The following CD3G variants were observed in gnomAD, a reference collection of about 807,000 sequenced individuals.
CD3G encodes CD3 gamma subunit of T-cell receptor complex, also known as T-cell surface glycoprotein CD3 gamma chain.
In CD3G, 24 loss-of-function variants were observed where a neutral mutation model predicts 28.3. The observed-to-expected ratio is 0.85, with a 90% CI of 0.61 to 1.19. The LOEUF (loss-of-function observed/expected upper bound fraction) is 1.19, where lower values mean the gene tolerates loss of function less well. Ranked by LOEUF, CD3G falls within the 50% of genes most tolerant of loss-of-function variation. The probability of loss-of-function intolerance (pLI) is 0.00; values close to 1 mark genes in which losing one functional copy is unlikely to be tolerated. For missense variants in CD3G, 211 were observed against 210.0 expected (o/e 1.00, Z -0.03); for synonymous variants, 71 against 75.9 (o/e 0.93, Z 0.34).
At chr11:118,352,268 C>T (rs928753251) in intron 5 of CD3G, 136 bp from the exon 6 acceptor site, 3 of 790,580 alleles carry the variant, frequency 3.8e-6, no homozygotes, top group Non-Finnish European at 6.8e-6. Flanking sequence ...CCTCCATCTC[C>T]TTGTCCTCTT....
intron 3 of CD3G, chr11:118,350,236 T>A (rs1263390815): frequency 7.0e-6 from 4 of 570,056 alleles, no homozygotes; most frequent in African/African-American, 1.9e-5. Flanking sequence ...AATGAAGGGG[T>A]TGGGGAGACA....
intron 3 of CD3G, 106 bp downstream of exon 3, chr11:118,350,076 AT>A (rs1183373667): frequency 8.5e-6 from 7 of 822,562 alleles, no homozygotes; most frequent in Non-Finnish European, 1.2e-5. Context: ...CAACAGTAAT[AT>A]TATCGCCTGT....
intron 1 of CD3G, among the ~76,000 whole-genome samples, chr11:118,346,156 G>T (rs12798382): frequency 0.013 from 1,942 of 152,266 alleles, 16 homozygotes; most frequent in Middle Eastern, 0.017. Context: ...TGGCAGGGAC[G>T]GGCATGGTGG....
chr11:118,344,350 G>A lies in CD3G; in HGVS notation c.-74G>A, dbSNP rs1948334639. ...AACAGTGATGGGTGGAGCCAGTCTAGCTGCTGCACAGGCTGGCTGGCTGGC... is the reference window on the plus strand; with the variant it reads ...AACAGTGATGGGTGGAGCCAGTCTAACTGCTGCACAGGCTGGCTGGCTGGC... On this transcript the variant is annotated 5_prime_UTR_variant, in exon 1 of 7. Transcript: ENST00000532917. 3.8e-6 allele frequency: 5 copies of A among 1,328,684 alleles called. No individual in the cohort carries two copies. The Admixed American group carries it at 1.0e-4, about 26-fold the overall frequency. 82.3% of individuals were successfully genotyped at this position (1,328,684 alleles called of 1,614,324 possible).
Position 118,350,666 on chromosome 11 carries a change from G to T in CD3G, c.422G>T (p.Gly141Val). ...VGVYFIAGQD[G>V]VRQSRASDKQ... ...GTCTACTTCATTGCTGGACAGGATG[G>T]AGTTCGCCAGTCGAGAGGTAAAAGA... is the stretch of plus-strand genomic sequence containing the variant. Residue 141 changes from glycine to valine, a missense_variant, in exon 4 of 7, where the codon GGA becomes GTA. Coordinates refer to ENST00000532917, the MANE Select transcript of CD3G (RefSeq NM_000073.3). The T allele has an allele frequency of 1.2e-6, 2 of 1,613,864 alleles. No individual in the cohort carries two copies. The highest frequency in any genetic ancestry group is 1.7e-6 in the Non-Finnish European group (2 of 1,179,938).
At position 118,354,252 on chromosome 11, in the gene CD3G, C is replaced by T. The variant is rs1278733303; in HGVS notation, c.*1152C>T. 1.3e-5 allele frequency: 2 copies of T among 151,840 alleles called. No individual in the cohort carries two copies. Among genetic ancestry groups the T allele is most frequent in the Non-Finnish European group, 2.9e-5 (2 of 68,008 alleles). 9.4% of individuals were successfully genotyped at this position (151,840 alleles called of 1,614,324 possible). ...ATTTAACTAATTGTACAGCCATTACCATAATCCAGCTTTAGGACATTTTCT... is the reference window on the plus strand; with the variant it reads ...ATTTAACTAATTGTACAGCCATTACTATAATCCAGCTTTAGGACATTTTCT... On this transcript the variant is annotated 3_prime_UTR_variant, in exon 7 of 7. Transcript: ENST00000532917.
intron 3 of CD3G, 75 bp downstream of exon 3, chr11:118,350,045 G>C: frequency 8.7e-7 from 1 of 1,145,480 alleles, no homozygotes. Flanking sequence ...TTTATCTGGG[G>C]TGAAAGTGGA....
At chr11:118,351,775 G>T (rs1163276438) in intron 5 of CD3G, 104 bp downstream of exon 5, 3 of 993,120 alleles carry the variant, frequency 3.0e-6, no homozygotes, top group African/African-American at 3.2e-5. Context: ...GTAAGAAACT[G>T]CTAACAGCAT....
intron 3 of CD3G, chr11:118,350,293 G>A: frequency 1.7e-6 from 1 of 577,306 alleles, no homozygotes; most frequent in South Asian, 2.0e-5. Flanking sequence ...GCGCAGTGGA[G>A]CATGAAGAGT....
chr11:118,344,396 A>G lies in CD3G; in HGVS notation c.-28A>G. On this transcript the variant is annotated 5_prime_UTR_variant, in exon 1 of 7. Coordinates refer to ENST00000532917, the MANE Select transcript of CD3G (RefSeq NM_000073.3). Reference sequence around the variant, plus strand: ...CTGGCTGGCTGCTAAGGGCTGCTCCACGCTTTTGCCGGAGGACAGAGACTG... The same window carrying G: ...CTGGCTGGCTGCTAAGGGCTGCTCCGCGCTTTTGCCGGAGGACAGAGACTG... 3.2e-6 allele frequency: 5 copies of G among 1,556,426 alleles called. No individual in the cohort carries two copies. Among genetic ancestry groups the G allele is most frequent in the Non-Finnish European group, 4.4e-6 (5 of 1,149,070 alleles).
At chr11:118,352,260 T>C in intron 5 of CD3G, 144 bp from the exon 6 acceptor site, 1 of 759,878 alleles carries the variant, frequency 1.3e-6, no homozygotes, top group Non-Finnish European at 2.4e-6. Flanking sequence ...AGACAGAGCC[T>C]CCATCTCCTT....
At chr11:118,350,453 C>T (rs1016830085) in intron 3 of CD3G, 99 bp from the exon 4 acceptor site, 3 of 875,420 alleles carry the variant, frequency 3.4e-6, no homozygotes, top group African/African-American at 1.6e-5. Context: ...GAAAAGCCTG[C>T]TGCCCTCCAC....
In CD3G at chr11:118,349,540, G is replaced by A. The variant is rs150216682; in HGVS notation, c.80-203G>A. ...TTCACCCCCTGACGCAGATATTGGC[G>A]TCACCCGAGAGCATGTTAGTAATGC... is the stretch of plus-strand genomic sequence containing the variant. On this transcript the variant is annotated intron_variant, in intron 2 of 6. Coordinates refer to ENST00000532917, the MANE Select transcript of CD3G (RefSeq NM_000073.3). 1.4e-3 allele frequency: 859 copies of A among 629,964 alleles called. 5 individuals carry two copies. Among genetic ancestry groups the A allele is most frequent in the African/African-American group, 0.012 (643 of 54,386 alleles). 39.0% of individuals were successfully genotyped at this position (629,964 alleles called of 1,614,324 possible).
chr11:118,350,450 C>T, intron 3 of CD3G, 102 bp from the exon 4 acceptor site: 1 of 866,982 alleles, frequency 1.2e-6, no homozygotes, highest in Non-Finnish European at 2.0e-6. Flanking sequence ...GAGGAAAAGC[C>T]TGCTGCCCTC....
chr11:118,350,868 T>C (rs2134071074), intron 4 of CD3G, 185 bp downstream of exon 4: 1 of 1,131,950 alleles, frequency 8.8e-7, no homozygotes, highest in South Asian at 1.9e-5. Context: ...TTCACCTGTC[T>C]CAAGATACAG....
At chr11:118,347,057 A>G (rs1948363666) in intron 1 of CD3G, among the ~76,000 whole-genome samples, 1 of 152,170 alleles carries the variant, frequency 6.6e-6, no homozygotes, top group South Asian at 2.1e-4. Flanking sequence ...TGCACTGGAT[A>G]CTGTTCAAAA....
intron 6 of CD3G, 40 bp from the exon 7 acceptor site, chr11:118,353,078 AT>A (rs906340123): frequency 6.4e-6 from 1 of 156,334 alleles, no homozygotes; most frequent in Non-Finnish European, 1.4e-5. Flanking sequence ...TGAAAGCATT[AT>A]TTGTTTTTTT....
In CD3G at chr11:118,349,813, C is replaced by A. The variant is rs1431581983; in HGVS notation, c.150C>A (p.Ala50=). Residue 50 remains alanine, a synonymous_variant, in exon 3 of 7, where the codon GCC becomes GCA. Coordinates refer to ENST00000532917, the MANE Select transcript of CD3G (RefSeq NM_000073.3). ...GSVLLTCDAE[A]KNITWFKDGK... ...TACTTCTGACTTGTGATGCAGAAGC[C>A]AAAAATATCACATGGTTTAAAGATG... is the stretch of plus-strand genomic sequence containing the variant. The A allele has an allele frequency of 1.9e-6, 3 of 1,613,838 alleles. No individual in the cohort carries two copies. Among genetic ancestry groups the A allele is most frequent in the Non-Finnish European group, 1.7e-6 (2 of 1,179,936 alleles).
chr11:118,346,408 G>T (rs1948356521), intron 1 of CD3G, among the ~76,000 whole-genome samples: 1 of 151,968 alleles, frequency 6.6e-6, no homozygotes, highest in Non-Finnish European at 1.5e-5. Context: ...CTGCACTCCA[G>T]CCTGGGCGAC....
Sources: allele counts gnomAD v4.1 joint callset (sites outside exome capture counted in the v4.1 genomes callset), GRCh38; gene constraint gnomAD v4.1.1; transcripts MANE v1.5; gene names NCBI Gene and HGNC (gene_info 2026-07-23, HGNC 2026-07-21).